The following PLEK2 variants were observed in gnomAD, a reference collection of about 807,000 sequenced individuals.
PLEK2 encodes the protein pleckstrin-2.
Under a neutral mutation model 43.8 loss-of-function variants are expected in PLEK2, and 29 were observed. That is an observed-to-expected ratio of 0.66 (90% CI 0.49 to 0.90). The LOEUF (loss-of-function observed/expected upper bound fraction) is 0.90. Ranked by LOEUF, PLEK2 falls within the 40% of genes least tolerant of loss-of-function variation. The pLI is 0.00. For missense variants in PLEK2, 398 were observed against 448.1 expected (o/e 0.89, Z 1.01); for synonymous variants, 162 against 173.2 (o/e 0.94, Z 0.51).
At chr14:67,387,726 A>G (rs912740854) in intron 8 of PLEK2, among the ~76,000 whole-genome samples, 1 of 152,220 alleles carries the variant, frequency 6.6e-6, no homozygotes, top group African/African-American at 2.4e-5. Context: ...AGATGGTAGC[A>G]TGCCATAGAT....
intron 1 of PLEK2, among the ~76,000 whole-genome samples, chr14:67,399,738 G>T (rs911736402): frequency 1.3e-5 from 2 of 151,916 alleles, no homozygotes; most frequent in African/African-American, 2.4e-5. Context: ...GTCTCAGGTG[G>T]CAGGAATAAA....
chr14:67,399,269 G>A (rs878972013), intron 1 of PLEK2, among the ~76,000 whole-genome samples: 17 of 148,736 alleles, frequency 1.1e-4, no homozygotes, highest in African/African-American at 3.3e-4. Context: ...GAGAAGGGTC[G>A]TTTAGGTGGT....
In PLEK2 at chr14:67,395,491, G is replaced by A. The variant is rs758515238; in HGVS notation, c.300C>T (p.Thr100=). The change falls in exon 3 of 9, where the codon ACC becomes ACT. Residue 100 remains threonine (T), a synonymous_variant. Transcript: ENST00000216446. ...EERDAWAFEI[T]GAIHAGQPGK... is the part of the protein sequence containing the mutation. Reference sequence around the variant, plus strand: ...CCGGCTGCCCTGCATGAATAGCCCCGGTGATCTCAAAGGCCCAGGCATCCC... The same window carrying A: ...CCGGCTGCCCTGCATGAATAGCCCCAGTGATCTCAAAGGCCCAGGCATCCC... The A allele has an allele frequency of 6.8e-6, 11 of 1,613,876 alleles. No individual in the cohort carries two copies. Among genetic ancestry groups the A allele is most frequent in the African/African-American group, 4.0e-5 (3 of 74,906 alleles).
In PLEK2 at chr14:67,410,065, G is replaced by A. The variant is rs151101554; in HGVS notation, c.42+1953C>T. 1.9e-4 allele frequency among the ~76,000 whole-genome samples: 29 copies of A among 152,096 alleles called. No homozygotes were observed. The East Asian group carries it at 5.4e-3, about 28-fold the overall frequency. Reference sequence around the variant, plus strand: ...TCAGCCAAGCCCCGTCTTTTCCAAGGGCTTACGGGGACCAGATCTGTTGAC... The same window carrying A: ...TCAGCCAAGCCCCGTCTTTTCCAAGAGCTTACGGGGACCAGATCTGTTGAC... On this transcript the variant is annotated intron_variant, in intron 1 of 8. Transcript: ENST00000216446.
At chr14:67,400,301 G>C (rs954410816) in intron 1 of PLEK2, among the ~76,000 whole-genome samples, 3 of 152,208 alleles carry the variant, frequency 2.0e-5, no homozygotes, top group African/African-American at 7.2e-5. Flanking sequence ...TTCCATGAGA[G>C]GGTTCATGCA....
At chr14:67,411,838 C>T (rs1442628635) in intron 1 of PLEK2, among the ~76,000 whole-genome samples, 180 bp downstream of exon 1, 1 of 152,262 alleles carries the variant, frequency 6.6e-6, no homozygotes, top group African/African-American at 2.4e-5. Context: ...CCGCTTACCC[C>T]GCGTCCCCTC....
intron 6 of PLEK2, 106 bp downstream of exon 6, chr14:67,392,220 T>C (rs1028865694): frequency 3.8e-6 from 3 of 787,370 alleles, no homozygotes; most frequent in African/African-American, 1.7e-5. Context: ...TTTGCTGTAA[T>C]TGGTGCCCTC....
rs376618454 is a variant in PLEK2, at chr14:67,408,281, G to A, written c.42+3737C>T. On this transcript the variant is annotated intron_variant, in intron 1 of 8. Coordinates refer to ENST00000216446, the MANE Select transcript of PLEK2 (RefSeq NM_016445.3). ...AGCCTGGGCAACAAGAGCAAAATTC[G>A]GTCTCAAAATAAATAAATAAAATAA... is the stretch of plus-strand genomic sequence containing the variant. Among the ~76,000 whole-genome samples the A allele has an allele frequency of 1.7e-4, 20 of 116,796 alleles. No individual in the cohort carries two copies. The East Asian group carries it at 2.2e-3, about 13-fold the overall frequency. The allele number at this position is 116,796 out of a possible 152,430, so 76.6% of individuals were successfully genotyped here. A position where few individuals can be genotyped will look rare whatever the true frequency, so the allele number is the denominator to read the frequency against.
intron 1 of PLEK2, 51 bp from the exon 2 acceptor site, chr14:67,397,877 G>T (rs765138796): frequency 1.3e-6 from 2 of 1,490,940 alleles, no homozygotes; most frequent in Non-Finnish European, 1.8e-6. Flanking sequence ...GGGAGGGTAT[G>T]GTGTTCAGGG....
chr14:67,395,539 C>CA lies in PLEK2; in HGVS notation c.251dup (p.Glu85GlyfsTer14). The CA allele has an allele frequency of 6.2e-7, 1 of 1,614,164 alleles. No homozygotes were observed. Among genetic ancestry groups the CA allele is most frequent in the East Asian group, 2.2e-5 (1 of 44,880 alleles). On this transcript the variant is annotated frameshift_variant, in exon 3 of 9. Transcript: ENST00000216446. LOFTEE classifies it high-confidence loss of function. ...CCCGCTCCTCTCGAGAACAGGCCTC[C>CA]AGGAAGTACTCCGTGGATGTTTGAG... is the stretch of plus-strand genomic sequence containing the variant.
In PLEK2 at chr14:67,412,044, G is replaced by C; in HGVS notation, c.16C>G (p.Leu6Val). 3.9e-6 allele frequency: 6 copies of C among 1,556,524 alleles called. No homozygotes were observed. The highest frequency in any genetic ancestry group is 5.2e-6 in the Non-Finnish European group (6 of 1,154,442). The change falls in exon 1 of 9, where the codon CTC (leucine) becomes GTC (valine). Residue 6 changes from leucine (L) to valine (V), a missense_variant. Leu to Val is a conservative substitution (Grantham distance 32). Coordinates refer to ENST00000216446, the MANE Select transcript of PLEK2 (RefSeq NM_016445.3). ...CTCTTGACCAGGAAGCCCTCCTTGAGCACGCCGTCCTCCATGTCGCCGCCC... is the reference window on the plus strand; with the variant it reads ...CTCTTGACCAGGAAGCCCTCCTTGACCACGCCGTCCTCCATGTCGCCGCCC... MEDGV[L>V]KEGFLVKRGH...
At chr14:67,392,622 T>C in intron 5 of PLEK2, 40 bp downstream of exon 5, 1 of 1,570,158 alleles carries the variant, frequency 6.4e-7, no homozygotes, top group South Asian at 1.1e-5. Flanking sequence ...CTTCCTTAAC[T>C]TTTGCCCTGG....
intron 3 of PLEK2, among the ~76,000 whole-genome samples, chr14:67,394,567 G>A (rs947257135): frequency 2.0e-5 from 3 of 152,006 alleles, no homozygotes; most frequent in Non-Finnish European, 2.9e-5. Context: ...TAGACCCATA[G>A]GAGGTGTACA....
intron 1 of PLEK2, among the ~76,000 whole-genome samples, chr14:67,407,158 G>A (rs1490270944): frequency 1.3e-5 from 2 of 152,026 alleles, no homozygotes; most frequent in African/African-American, 4.8e-5. Context: ...GTCTTGCACT[G>A]TCGCCCGGGC....
In PLEK2 at chr14:67,391,268, GAT is replaced by G. The variant is rs1491218179; in HGVS notation, c.772-524_772-523del. 1.6e-3 allele frequency among the ~76,000 whole-genome samples: 226 copies of G among 141,462 alleles called. 1 individual carries two copies. The highest frequency in any genetic ancestry group is 0.015 in the South Asian group (66 of 4,504). 92.8% of individuals were successfully genotyped at this position (141,462 alleles called of 152,430 possible). A position where few individuals can be genotyped will look rare whatever the true frequency, so the allele number is the denominator to read the frequency against. On this transcript the variant is annotated intron_variant, in intron 6 of 8. Coordinates refer to ENST00000216446, the MANE Select transcript of PLEK2 (RefSeq NM_016445.3). ...ATAAAATCTAAATGTGTAAGCAGCTGATATGTGTGTGTGTGTGTGTGTGTGTG... is the reference window on the plus strand; with the variant it reads ...ATAAAATCTAAATGTGTAAGCAGCTGATGTGTGTGTGTGTGTGTGTGTGTG...
intron 3 of PLEK2, 89 bp from the exon 4 acceptor site, chr14:67,393,330 G>A: frequency 1.2e-6 from 1 of 866,960 alleles, no homozygotes. Flanking sequence ...AGGGTATAAA[G>A]CAAGTGGCAA....
intron 2 of PLEK2, among the ~76,000 whole-genome samples, chr14:67,396,233 C>T (rs1194936041): frequency 3.3e-5 from 5 of 151,770 alleles, no homozygotes; most frequent in African/African-American, 1.2e-4. Context: ...CTGCAAACTC[C>T]GGCTCCCAGG....
intron 1 of PLEK2, among the ~76,000 whole-genome samples, chr14:67,410,585 A>G (rs1434965582): frequency 6.6e-6 from 1 of 152,162 alleles, no homozygotes; most frequent in African/African-American, 2.4e-5. Flanking sequence ...CTCCTTGCTT[A>G]CTGTTTACAG....
At chr14:67,410,950 T>C (rs1389776962) in intron 1 of PLEK2, among the ~76,000 whole-genome samples, 2 of 151,896 alleles carry the variant, frequency 1.3e-5, no homozygotes, top group Non-Finnish European at 2.9e-5. Flanking sequence ...GTTCAAGACC[T>C]GCCTGGGAAA....
Sources: gnomAD v4.1 joint callset for allele counts (sites outside exome capture counted in the v4.1 genomes callset) on GRCh38, gnomAD v4.1.1 for gene constraint, MANE v1.5 for transcripts, NCBI Gene and HGNC (gene_info 2026-07-23, HGNC 2026-07-21) for gene names.